The following RPS6KC1 variants were observed in gnomAD, a reference collection of about 807,000 sequenced individuals.
RPS6KC1 encodes ribosomal protein S6 kinase C1, also known as inactive ribosomal protein S6 kinase delta-1.
A neutral mutation model predicts 103.8 loss-of-function variants in RPS6KC1; 54 were observed. The observed-to-expected ratio is 0.52, with a 90% CI of 0.42 to 0.65. RPS6KC1 has a LOEUF of 0.65. RPS6KC1 is among the 30% of genes least tolerant of loss of function. RPS6KC1 has a pLI of 0.00. For missense variants in RPS6KC1, 1,151 were observed against 1,253.8 expected (o/e 0.92, Z 1.24); for synonymous variants, 439 against 438.7 (o/e 1.00, Z -0.01).
At chr1:213,466,318 G>A in the RPS6KC1 span, among the ~76,000 whole-genome samples, 2 of 152,126 alleles carry the variant, frequency 1.3e-5, no homozygotes, top group African/African-American at 4.8e-5. Flanking sequence ...GTTAAGTATG[G>A]GAATACAAGC....
chr1:213,719,348 G>A, the RPS6KC1 span, among the ~76,000 whole-genome samples: 1 of 152,158 alleles, frequency 6.6e-6, no homozygotes, highest in Non-Finnish European at 1.5e-5. Flanking sequence ...TACTCTCAAA[G>A]TGCTAAGTGG....
chr1:213,057,752 C>CTTTTTTTTTTTTTTTT, intron 1 of RPS6KC1, among the ~76,000 whole-genome samples: 1 of 73,664 alleles, frequency 1.4e-5, no homozygotes, highest in Non-Finnish European at 2.4e-5. Flanking sequence ...TCTGAAGTAT[C>CTTTTTTTTTTTTTTTT]TTTTTTTTTT....
chr1:213,152,620 G>A (rs1421433331), intron 6 of RPS6KC1, among the ~76,000 whole-genome samples: 1 of 149,734 alleles, frequency 6.7e-6, no homozygotes, highest in Non-Finnish European at 1.5e-5. Context: ...GGGCAGAGGC[G>A]CTCCCCACAT....
chr1:213,184,388 T>G (rs2092430532), intron 8 of RPS6KC1, among the ~76,000 whole-genome samples: 1 of 152,010 alleles, frequency 6.6e-6, no homozygotes. Flanking sequence ...TACCATGAAT[T>G]TATTATTTAA....
the RPS6KC1 span, among the ~76,000 whole-genome samples, chr1:213,604,766 T>A: frequency 6.6e-6 from 1 of 152,150 alleles, no homozygotes; most frequent in East Asian, 1.9e-4. Flanking sequence ...TAGATCTTGA[T>A]GTTCTGTGCT....
At chr1:213,637,117 G>T in the RPS6KC1 span, among the ~76,000 whole-genome samples, 1 of 152,126 alleles carries the variant, frequency 6.6e-6, no homozygotes, top group Non-Finnish European at 1.5e-5. Context: ...GGAAACAACA[G>T]ATGCTGGAGG....
chr1:213,353,809 A>G, the RPS6KC1 span, among the ~76,000 whole-genome samples: 4 of 152,220 alleles, frequency 2.6e-5, no homozygotes, highest in Admixed American at 6.5e-5. Flanking sequence ...TGGAGTCACC[A>G]TGAGAAAGGG....
the RPS6KC1 span, among the ~76,000 whole-genome samples, chr1:213,282,877 A>G: frequency 0.89 from 134,754 of 152,222 alleles, 60,156 homozygotes; most frequent in Non-Finnish European, 0.95. Flanking sequence ...ATATGCTTTC[A>G]TTATTTGATT....
the RPS6KC1 span, among the ~76,000 whole-genome samples, chr1:213,529,221 T>TG: frequency 6.7e-6 from 1 of 150,154 alleles, no homozygotes; most frequent in Non-Finnish European, 1.5e-5. Context: ...TTGACTTAGT[T>TG]GGGGGGATCA....
chr1:213,660,918 A>G, the RPS6KC1 span, among the ~76,000 whole-genome samples: 1 of 152,342 alleles, frequency 6.6e-6, no homozygotes, highest in Admixed American at 6.5e-5. Flanking sequence ...TCCTGCAGCT[A>G]GATTTCAGAG....
chr1:213,442,528 G>A, the RPS6KC1 span, among the ~76,000 whole-genome samples: 2 of 152,222 alleles, frequency 1.3e-5, no homozygotes, highest in Non-Finnish European at 2.9e-5. Flanking sequence ...CTTGGACAGA[G>A]CTACTCAACT....
chr1:213,169,266 A>G (rs1472282109), intron 7 of RPS6KC1, among the ~76,000 whole-genome samples: 1 of 152,198 alleles, frequency 6.6e-6, no homozygotes, highest in East Asian at 1.9e-4. Flanking sequence ...TCAAAACTGT[A>G]CTAATCAGTG....
intron 6 of RPS6KC1, among the ~76,000 whole-genome samples, chr1:213,165,802 C>T (rs1305995286): frequency 2.0e-5 from 3 of 152,330 alleles, no homozygotes; most frequent in Admixed American, 6.5e-5. Flanking sequence ...GGTGATCCAT[C>T]TGCCTCAGCC....
chr1:213,701,140 A>C, the RPS6KC1 span, among the ~76,000 whole-genome samples: 1 of 152,022 alleles, frequency 6.6e-6, no homozygotes, highest in African/African-American at 2.4e-5. Context: ...TCCAGGTCTC[A>C]GAGAAAAGGC....
At chr1:213,607,688 T>TACACACACACACACACACACACAC in the RPS6KC1 span, among the ~76,000 whole-genome samples, 2 of 140,802 alleles carry the variant, frequency 1.4e-5, no homozygotes, top group African/African-American at 2.7e-5. Flanking sequence ...CAGTTGCAAT[T>TACACACACACACACACACACACAC]ACACACACAC....
At chr1:213,342,917 G>T in the RPS6KC1 span, among the ~76,000 whole-genome samples, 1 of 152,130 alleles carries the variant, frequency 6.6e-6, no homozygotes, top group Non-Finnish European at 1.5e-5. Flanking sequence ...GGAGGCTGAG[G>T]TGGGCAGATT....
chr1:213,818,814 T>C, the RPS6KC1 span: 2 of 152,194 alleles, frequency 1.3e-5, no homozygotes. Flanking sequence ...ATAGAAAGCA[T>C]GCCTCCCTGG....
chr1:213,064,917 C>T (rs2078177709), intron 1 of RPS6KC1, among the ~76,000 whole-genome samples: 1 of 151,108 alleles, frequency 6.6e-6, no homozygotes, highest in South Asian at 2.1e-4. Flanking sequence ...CCTTGTGATC[C>T]ACCCGCCTCG....
intron 11 of RPS6KC1, 33 bp from the exon 12 acceptor site, chr1:213,242,536 A>T (rs2094380027): frequency 6.5e-7 from 1 of 1,536,052 alleles, no homozygotes; most frequent in East Asian, 2.3e-5. Context: ...GAAGAGAAAA[A>T]TGTTTTGATT....
Sources: gnomAD v4.1 joint callset for allele counts (sites outside exome capture counted in the v4.1 genomes callset) on GRCh38, gnomAD v4.1.1 for gene constraint, MANE v1.5 for transcripts, NCBI Gene and HGNC (gene_info 2026-07-23, HGNC 2026-07-21) for gene names.